FRMD5: variants seen among roughly 807,000 people sequenced by gnomAD.
FRMD5 encodes FERM domain-containing protein 5.
FRMD5 carries 20 observed loss-of-function variants against 69.0 expected under a neutral mutation model. The observed-to-expected ratio is 0.29, with a 90% CI of 0.20 to 0.42. FRMD5 has a LOEUF of 0.42. Ranked by LOEUF, FRMD5 falls within the 10% of genes least tolerant of loss-of-function variation. The pLI is 1.00. For synonymous variants in FRMD5, 271 were observed against 260.1 expected, an observed-to-expected ratio of 1.04 and a Z score of -0.40; for missense variants, 595 against 708.6, an observed-to-expected ratio of 0.84 and a Z score of 1.82.
intron 7 of FRMD5, among the ~76,000 whole-genome samples, chr15:43,899,548 T>G (rs1427013211): frequency 6.6e-6 from 1 of 152,170 alleles, no homozygotes; most frequent in Non-Finnish European, 1.5e-5. Flanking sequence ...GAGAATAACA[T>G]CTACCTCCCA....
intron 1 of FRMD5, among the ~76,000 whole-genome samples, chr15:43,952,699 T>C (rs1595554469): frequency 6.6e-6 from 1 of 152,198 alleles, no homozygotes; most frequent in Non-Finnish European, 1.5e-5. Context: ...TCAATTGGGA[T>C]GTTCAAAGGG....
In FRMD5 at chr15:44,164,829, A is replaced by G. The variant is rs534834856; in HGVS notation, c.102+30124T>C. Among the ~76,000 whole-genome samples the G allele has an allele frequency of 7.2e-5, 11 of 152,286 alleles. No individual in the cohort carries two copies. In the East Asian group the frequency reaches 2.1e-3, roughly 29 times the overall value. ...TTGTTGGTCAGCAGAAGCAGCTAAG[A>G]CAGCTGCACCACCAGTATGAAGTGC... is the stretch of plus-strand genomic sequence containing the variant. On this transcript the variant is annotated intron_variant, in intron 1 of 13. Transcript: ENST00000417257.
intron 1 of FRMD5, among the ~76,000 whole-genome samples, chr15:44,129,338 TAA>T (rs2077067084): frequency 6.6e-6 from 1 of 152,218 alleles, no homozygotes; most frequent in Non-Finnish European, 1.5e-5. Flanking sequence ...ATTTTGATTA[TAA>T]GTCAGATTCT....
rs2088153789 is a variant in FRMD5, at chr15:43,871,263, C to T, written c.*2622G>A. 1.3e-5 allele frequency: 2 copies of T among 152,278 alleles called. No individual in the cohort carries two copies. The highest frequency in any genetic ancestry group is 2.1e-4 in the South Asian group (1 of 4,830). 9.4% of individuals were successfully genotyped at this position (152,278 alleles called of 1,614,324 possible). On this transcript the variant is annotated 3_prime_UTR_variant, in exon 14 of 14. Coordinates refer to ENST00000417257, the MANE Select transcript of FRMD5 (RefSeq NM_032892.5). ...TGGGATGAGCCCTGGAAAAAAACAACCCTAAAGTTTCTGTTTACAGAGCAA... is the reference window on the plus strand; with the variant it reads ...TGGGATGAGCCCTGGAAAAAAACAATCCTAAAGTTTCTGTTTACAGAGCAA...
rs2088203841 is a variant in FRMD5 at position 43,873,052 on chromosome 15, C to T, written c.*833G>A. ...GGTACCACTGAATTCGTTTAACGCC[C>T]CTGGAGCACTATAAAAGTCTTGAGG... On this transcript the variant is annotated 3_prime_UTR_variant, in exon 14 of 14. Transcript: ENST00000417257. 3 of 847,476 alleles carry T rather than the reference C, an allele frequency of 3.5e-6. No individual in the cohort carries two copies. Among genetic ancestry groups the T allele is most frequent in the Non-Finnish European group, 3.8e-6 (2 of 530,910 alleles). 52.5% of individuals were successfully genotyped at this position (847,476 alleles called of 1,614,324 possible).
intron 1 of FRMD5, among the ~76,000 whole-genome samples, chr15:44,129,419 T>C (rs943766750): frequency 3.3e-5 from 5 of 152,250 alleles, no homozygotes; most frequent in African/African-American, 9.6e-5. Context: ...CCCAGGGCTA[T>C]GGAACTGTAA....
rs182326287 is a variant in FRMD5, at chr15:44,011,616, A to G, written c.103-87307T>C. 7.9e-5 allele frequency among the ~76,000 whole-genome samples: 12 copies of G among 152,290 alleles called. No individual in the cohort carries two copies. In the East Asian group the frequency reaches 2.1e-3, roughly 27 times the overall value. On this transcript the variant is annotated intron_variant, in intron 1 of 13. Coordinates refer to ENST00000417257, the MANE Select transcript of FRMD5 (RefSeq NM_032892.5). ...TAGATGTGAGACTATTATGCATACA[A>G]ATGAGCTGATGCCATGAAAGTGGAT...
intron 1 of FRMD5, among the ~76,000 whole-genome samples, chr15:44,113,917 A>T (rs1488516044): frequency 2.0e-5 from 3 of 152,222 alleles, no homozygotes; most frequent in Non-Finnish European, 2.9e-5. Flanking sequence ...AACAAACACC[A>T]GATTAATCGA....
intron 1 of FRMD5, among the ~76,000 whole-genome samples, chr15:43,964,219 C>T (rs1327735850): frequency 6.6e-6 from 1 of 152,020 alleles, no homozygotes; most frequent in African/African-American, 2.4e-5. Flanking sequence ...AAATGGCACA[C>T]TAGTGGGTCA....
At chr15:44,115,255 C>T (rs956332744) in intron 1 of FRMD5, among the ~76,000 whole-genome samples, 11 of 152,180 alleles carry the variant, frequency 7.2e-5, no homozygotes, top group Admixed American at 2.0e-4. Context: ...TATCTACATG[C>T]GTTACATGTA....
rs545277762 is a variant in FRMD5, at chr15:43,996,874, T to C, written c.103-72565A>G. Among the ~76,000 whole-genome samples the C allele has an allele frequency of 3.9e-5, 6 of 152,270 alleles. No homozygotes were observed. The South Asian group carries it at 1.2e-3, about 32-fold the overall frequency. On this transcript the variant is annotated intron_variant, in intron 1 of 13. Transcript: ENST00000417257. ...TTTAACGAGATCCCCAGATGATTCA[T>C]TTTCACATTAAAGTTTGATAAACAC... is the stretch of plus-strand genomic sequence containing the variant.
intron 1 of FRMD5, among the ~76,000 whole-genome samples, chr15:44,143,096 AAAAAAAG>A (rs1311855524): frequency 1.3e-5 from 2 of 152,170 alleles, no homozygotes. Flanking sequence ...CGTCTCAAAA[AAAAAAAG>A]AAAAAAGAAA....
intron 1 of FRMD5, among the ~76,000 whole-genome samples, chr15:44,173,253 A>ATG (rs2077834988): frequency 1.3e-5 from 2 of 152,172 alleles, no homozygotes; most frequent in African/African-American, 4.8e-5. Context: ...GAAAACCTAC[A>ATG]TGCAGCTTAT....
At chr15:44,115,913 TACA>T (rs1428339638) in intron 1 of FRMD5, among the ~76,000 whole-genome samples, 2 of 152,150 alleles carry the variant, frequency 1.3e-5, no homozygotes, top group Non-Finnish European at 1.5e-5. Context: ...GCATCCAGGG[TACA>T]ACAAGGCAGG....
chr15:43,889,764 C>T (rs2088751414), intron 8 of FRMD5, among the ~76,000 whole-genome samples: 1 of 152,164 alleles, frequency 6.6e-6, no homozygotes, highest in East Asian at 1.9e-4. Flanking sequence ...TCTATCTGCC[C>T]AACATAGCTG....
intron 1 of FRMD5, among the ~76,000 whole-genome samples, chr15:44,176,140 A>G (rs1044396765): frequency 6.6e-6 from 1 of 152,222 alleles, no homozygotes; most frequent in African/African-American, 2.4e-5. Context: ...ACCTACTACA[A>G]AGTTATTAAT....
At chr15:43,989,634 C>T (rs1390750234) in intron 1 of FRMD5, 3 of 874,930 alleles carry the variant, frequency 3.4e-6, no homozygotes, top group Non-Finnish European at 5.8e-6. Context: ...TCAGTCAGGT[C>T]CTGACCAGCC....
At chr15:43,952,644 CAT>C (rs922582507) in intron 1 of FRMD5, among the ~76,000 whole-genome samples, 3 of 152,168 alleles carry the variant, frequency 2.0e-5, no homozygotes, top group Admixed American at 1.3e-4. Context: ...CCCAAGAAAA[CAT>C]ATGAAAAGAA....
intron 1 of FRMD5, among the ~76,000 whole-genome samples, chr15:43,973,345 C>G (rs1419799039): frequency 6.7e-6 from 1 of 148,860 alleles, no homozygotes; most frequent in Admixed American, 6.8e-5. Flanking sequence ...ATCCTAGTTA[C>G]TTTCTTGTTT....
Sources: gnomAD v4.1 joint callset for allele counts (sites outside exome capture counted in the v4.1 genomes callset) on GRCh38, gnomAD v4.1.1 for gene constraint, MANE v1.5 for transcripts, NCBI Gene and HGNC (gene_info 2026-07-23, HGNC 2026-07-21) for gene names.